The following PTPRD variants were observed in gnomAD, a reference collection of about 807,000 sequenced individuals.
The protein encoded by PTPRD is receptor-type tyrosine-protein phosphatase delta.
In PTPRD, 34 loss-of-function variants were observed where a neutral mutation model predicts 214.5. The observed-to-expected ratio is 0.16, with a 90% CI of 0.12 to 0.21. PTPRD has a LOEUF of 0.21. Ranked by LOEUF, PTPRD falls within the 10% of genes least tolerant of loss-of-function variation. PTPRD has a pLI of 1.00. For missense variants in PTPRD, 2,545 were observed against 2,398.7 expected (o/e 1.06, Z -1.27); for synonymous variants, 1,128 against 845.7 (o/e 1.33, Z -5.79).
intron 3 of PTPRD, among the ~76,000 whole-genome samples, chr9:10,132,441 G>A (rs1203383079): frequency 1.3e-5 from 2 of 151,810 alleles, no homozygotes; most frequent in African/African-American, 4.9e-5. Context: ...CATATGATGA[G>A]GACTACGTTA....
At chr9:8,595,205 A>G (rs2094415123) in intron 14 of PTPRD, among the ~76,000 whole-genome samples, 1 of 151,808 alleles carries the variant, frequency 6.6e-6, no homozygotes, top group African/African-American at 2.4e-5. Flanking sequence ...AATTAAATAA[A>G]AAACTTTAAG....
At chr9:10,150,742 T>C (rs927741800) in intron 3 of PTPRD, among the ~76,000 whole-genome samples, 3 of 151,864 alleles carry the variant, frequency 2.0e-5, no homozygotes, top group African/African-American at 7.3e-5. Flanking sequence ...TAAATCCTGA[T>C]ACATCAGTGG....
At chr9:8,814,364 G>C (rs1040851788) in intron 11 of PTPRD, among the ~76,000 whole-genome samples, 1 of 142,028 alleles carries the variant, frequency 7.0e-6, no homozygotes, top group Non-Finnish European at 1.6e-5. Context: ...TCTTCACGGA[G>C]AACGCTTTAA....
chr9:8,828,818 T>C (rs1299904374), intron 11 of PTPRD, among the ~76,000 whole-genome samples: 1 of 152,204 alleles, frequency 6.6e-6, no homozygotes, highest in Non-Finnish European at 1.5e-5. Flanking sequence ...CCCTATAAAA[T>C]TTGTGAAATT....
At chr9:10,243,487 G>A (rs186580809) in intron 3 of PTPRD, among the ~76,000 whole-genome samples, 142 of 151,852 alleles carry the variant, frequency 9.4e-4, no homozygotes, top group Middle Eastern at 3.4e-3. Context: ...GGTTTGAGTC[G>A]TCATCAATGT....
intron 10 of PTPRD, among the ~76,000 whole-genome samples, chr9:9,030,276 C>CTTTTTTTTTTT (rs71317396): frequency 4.0e-4 from 15 of 37,928 alleles, no homozygotes; most frequent in African/African-American, 8.7e-4. Context: ...CACACTTGGG[C>CTTTTTTTTTTT]TTTTTTTTTT....
chr9:8,846,569 C>T (rs2097700965), intron 11 of PTPRD, among the ~76,000 whole-genome samples: 1 of 152,116 alleles, frequency 6.6e-6, no homozygotes, highest in Admixed American at 6.5e-5. Context: ...GTCAGCTAAG[C>T]TATGCCCTGA....
At chr9:8,583,726 G>A (rs766202161) in intron 14 of PTPRD, among the ~76,000 whole-genome samples, 4 of 152,200 alleles carry the variant, frequency 2.6e-5, no homozygotes, top group Admixed American at 1.3e-4. Flanking sequence ...GATGGAAATG[G>A]GGAAGAAGAT....
chr9:9,590,841 T>G (rs1388340349), intron 7 of PTPRD, among the ~76,000 whole-genome samples: 1 of 152,064 alleles, frequency 6.6e-6, no homozygotes, highest in Non-Finnish European at 1.5e-5. Context: ...TTAATGATAT[T>G]AACTCTTTCT....
intron 4 of PTPRD, among the ~76,000 whole-genome samples, chr9:9,957,414 A>C (rs6477427): frequency 6.6e-6 from 1 of 151,970 alleles, no homozygotes; most frequent in South Asian, 2.1e-4. Flanking sequence ...TTAATGTTTC[A>C]AAGGAAAAAA....
At chr9:8,869,002 C>G (rs184865503) in intron 11 of PTPRD, among the ~76,000 whole-genome samples, 1 of 152,062 alleles carries the variant, frequency 6.6e-6, no homozygotes, top group Non-Finnish European at 1.5e-5. Flanking sequence ...AAATAGGAAG[C>G]CATGCCATCA....
At chr9:10,092,486 T>C (rs2098442227) in intron 3 of PTPRD, among the ~76,000 whole-genome samples, 1 of 151,408 alleles carries the variant, frequency 6.6e-6, no homozygotes, top group Non-Finnish European at 1.5e-5. Flanking sequence ...TGGTCAAAAT[T>C]ACCTGTAATC....
intron 38 of PTPRD, 74 bp from the exon 39 acceptor site, chr9:8,376,164 G>T: frequency 7.1e-6 from 11 of 1,543,124 alleles, no homozygotes; most frequent in Non-Finnish European, 9.7e-6. Context: ...CAGGGAAGAG[G>T]TAATGCTAAA....
chr9:9,886,857 T>A (rs1163126577), intron 5 of PTPRD, among the ~76,000 whole-genome samples: 1 of 152,078 alleles, frequency 6.6e-6, no homozygotes, highest in Non-Finnish European at 1.5e-5. Context: ...AGAGACCACA[T>A]GGGAAAGCCT....
intron 11 of PTPRD, among the ~76,000 whole-genome samples, chr9:8,852,044 C>T (rs2097826924): frequency 8.6e-6 from 1 of 116,690 alleles, no homozygotes. Context: ...TAAATGAAAT[C>T]CATCTACTAA....
chr9:8,538,957 G>A (rs2077651955), intron 14 of PTPRD, among the ~76,000 whole-genome samples: 1 of 151,850 alleles, frequency 6.6e-6, no homozygotes, highest in Non-Finnish European at 1.5e-5. Context: ...ACTGGAACAA[G>A]CAAGGAATGA....
intron 36 of PTPRD, among the ~76,000 whole-genome samples, chr9:8,393,081 T>C (rs1259105485): frequency 6.6e-6 from 1 of 152,124 alleles, no homozygotes; most frequent in African/African-American, 2.4e-5. Flanking sequence ...CTTCAGTAGT[T>C]CTTGATTAGG....
At chr9:8,960,010 C>T (rs756794528) in intron 11 of PTPRD, among the ~76,000 whole-genome samples, 121 of 152,118 alleles carry the variant, frequency 8.0e-4, no homozygotes, top group Admixed American at 1.5e-3. Flanking sequence ...CCAAGTATAA[C>T]GGTTGATTTT....
chr9:8,557,001 T>C (rs2084017688), intron 14 of PTPRD, among the ~76,000 whole-genome samples: 2 of 152,310 alleles, frequency 1.3e-5, no homozygotes, highest in African/African-American at 4.8e-5. Flanking sequence ...ATATTGGTTG[T>C]TTCATATCAG....
Sources: gnomAD v4.1 joint callset for allele counts (sites outside exome capture counted in the v4.1 genomes callset) on GRCh38, gnomAD v4.1.1 for gene constraint, MANE v1.5 for transcripts, NCBI Gene and HGNC (gene_info 2026-07-23, HGNC 2026-07-21) for gene names.